SORCS2: variants seen among roughly 807,000 people sequenced by gnomAD.
SORCS2 encodes the protein sortilin related VPS10 domain containing receptor 2, also known as VPS10 domain-containing receptor SorCS2.
Under a neutral mutation model 141.6 loss-of-function variants are expected in SORCS2, and 100 were observed. The ratio of observed to expected loss-of-function variants is 0.71; its 90% CI spans 0.60 to 0.83. The LOEUF is 0.83. Among genes scored for constraint, SORCS2 ranks in the 40% least tolerant of loss-of-function variants. The pLI, the probability that SORCS2 is intolerant of heterozygous loss-of-function variation, is 0.00. For missense variants in SORCS2, 1,646 were observed against 1,560.2 expected, an observed-to-expected ratio of 1.05 and a Z score of -0.93; for synonymous variants, 789 against 676.9, an observed-to-expected ratio of 1.17 and a Z score of -2.57.
intron 1 of SORCS2, among the ~76,000 whole-genome samples, chr4:7,271,709 G>A (rs1421389399): frequency 6.6e-6 from 1 of 152,254 alleles, no homozygotes; most frequent in Non-Finnish European, 1.5e-5. Flanking sequence ...TCAGTGTGTG[G>A]CAGGAGCTAA....
chr4:7,509,857 G>A (rs891111256), intron 2 of SORCS2, among the ~76,000 whole-genome samples: 1 of 152,312 alleles, frequency 6.6e-6, no homozygotes, highest in African/African-American at 2.4e-5. Flanking sequence ...ATAGGGGGTT[G>A]GGGGTGGCCC....
intron 2 of SORCS2, chr4:7,434,630 C>G (rs1253011570): frequency 6.2e-7 from 1 of 1,613,362 alleles, no homozygotes; most frequent in Admixed American, 1.7e-5. Context: ...ATGTCAGACT[C>G]CGTGGCGTCA....
intron 1 of SORCS2, among the ~76,000 whole-genome samples, chr4:7,194,586 C>T (rs562914351): frequency 1.3e-5 from 2 of 152,202 alleles, no homozygotes; most frequent in South Asian, 2.1e-4. Flanking sequence ...AGAGCTGGCT[C>T]CCTGGGTGCA....
chr4:7,491,011 G>C (rs897703408), intron 2 of SORCS2, among the ~76,000 whole-genome samples: 16 of 152,092 alleles, frequency 1.1e-4, no homozygotes, highest in African/African-American at 3.9e-4. Flanking sequence ...CTCTGTCCCT[G>C]CCCTGCCGCC....
Position 7,233,513 on chromosome 4 carries a change from T to C in SORCS2, c.480+40387T>C, listed in dbSNP as rs1302148374. Among the ~76,000 whole-genome samples the C allele has an allele frequency of 6.6e-6, 1 of 152,000 alleles. No homozygotes were observed. The highest frequency in any genetic ancestry group is 2.4e-5 in the African/African-American group (1 of 41,356). Reference sequence around the variant, plus strand: ...GCTGGGCTCAGGGTGAGCAGACACTTGCTGGGTTCAGGGTGAGCAGACACT... The same window carrying C: ...GCTGGGCTCAGGGTGAGCAGACACTCGCTGGGTTCAGGGTGAGCAGACACT... On this transcript the variant is annotated intron_variant, in intron 1 of 26. Transcript: ENST00000507866. The surrounding 1 kb of genome is among the most constrained non-coding windows in gnomAD (Gnocchi z 4.5).
chr4:7,527,877 C>T (rs369900127), intron 2 of SORCS2, among the ~76,000 whole-genome samples: 5 of 152,248 alleles, frequency 3.3e-5, no homozygotes, highest in African/African-American at 1.2e-4. Flanking sequence ...CTGGATTAGA[C>T]CTGGCAGTGG....
Position 7,704,196 on chromosome 4 carries a change from C to G in SORCS2, c.1780C>G (p.Leu594Val), listed in dbSNP as rs199791875. 2.7e-4 allele frequency: 430 copies of G among 1,612,674 alleles called. No individual in the cohort carries two copies. The African/African-American group carries it at 5.1e-3, about 19-fold the overall frequency. The change falls in exon 14 of 27, where the codon CTC becomes GTC. Residue 594 changes from leucine to valine, a missense_variant. Physicochemically the swap from Leu to Val is conservative, Grantham distance 32 (BLOSUM62 1). Coordinates refer to ENST00000507866, the MANE Select transcript of SORCS2 (RefSeq NM_020777.3). Reference protein sequence around the residue: ...KILKFSVDEGLTWSTHNFTST... With the variant: ...KILKFSVDEGVTWSTHNFTST... ...TGGCAGGTTCAGTGTGGACGAGGGCCTCACCTGGAGCACGCACAACTTCAC... is the reference window on the plus strand; with the variant it reads ...TGGCAGGTTCAGTGTGGACGAGGGCGTCACCTGGAGCACGCACAACTTCAC...
At chr4:7,274,023 G>C (rs760753988) in intron 1 of SORCS2, among the ~76,000 whole-genome samples, 2 of 152,216 alleles carry the variant, frequency 1.3e-5, no homozygotes, top group Non-Finnish European at 2.9e-5. Context: ...TAACATCCCT[G>C]ACTCTAGGTT....
chr4:7,723,597 C>CAATGAATG, intron 18 of SORCS2, 100 bp from the exon 19 acceptor site: 1 of 1,329,802 alleles, frequency 7.5e-7, no homozygotes, highest in Non-Finnish European at 1.1e-6. Flanking sequence ...GGGAGGGCGG[C>CAATGAATG]AATGAATGAA....
chr4:7,204,280 G>T (rs1727621796), intron 1 of SORCS2, among the ~76,000 whole-genome samples: 1 of 151,970 alleles, frequency 6.6e-6, no homozygotes, highest in African/African-American at 2.4e-5. Context: ...CAGTGATGTG[G>T]TCACAGCTCA....
intron 2 of SORCS2, among the ~76,000 whole-genome samples, chr4:7,448,171 C>T (rs915714680): frequency 1.6e-4 from 24 of 152,176 alleles, no homozygotes; most frequent in African/African-American, 5.6e-4. Flanking sequence ...TCGTGCCCCC[C>T]ACTGTCCTGC....
At chr4:7,717,501 G>C (rs2109047292) in intron 17 of SORCS2, among the ~76,000 whole-genome samples, 1 of 152,314 alleles carries the variant, frequency 6.6e-6, no homozygotes, top group Non-Finnish European at 1.5e-5. Flanking sequence ...GCAGTGATTA[G>C]TCACGAATCG....
intron 2 of SORCS2, among the ~76,000 whole-genome samples, chr4:7,435,871 G>T (rs1398008550): frequency 2.6e-5 from 4 of 152,256 alleles, no homozygotes; most frequent in Non-Finnish European, 5.9e-5. Flanking sequence ...GAGTGGGCAG[G>T]CCAGAGGTTT....
At chr4:7,262,387 C>CATCCATCCATCCACCCACCTATCCATCT (rs1714413122) in intron 1 of SORCS2, among the ~76,000 whole-genome samples, 4 of 92,414 alleles carry the variant, frequency 4.3e-5, no homozygotes, top group African/African-American at 2.3e-4. Context: ...TCCATCCATC[C>CATCCATCCATCCACCCACCTATCCATCT]ATCCATCCAT....
chr4:7,726,535 C>T (rs984772664), intron 20 of SORCS2, among the ~76,000 whole-genome samples: 5 of 152,152 alleles, frequency 3.3e-5, no homozygotes, highest in Admixed American at 6.5e-5. Context: ...GATTGCGCCA[C>T]TGCACTCCAG....
intron 1 of SORCS2, among the ~76,000 whole-genome samples, chr4:7,242,200 GTCT>G (rs954197095): frequency 4.6e-5 from 7 of 152,200 alleles, no homozygotes; most frequent in African/African-American, 1.7e-4. Context: ...GAGCCCTGTT[GTCT>G]TCTTCTTTTT....
Position 7,567,360 on chromosome 4 carries a change from G to A in SORCS2, c.648+35731G>A, listed in dbSNP as rs80118884. The stretch of plus-strand genomic sequence containing the variant: ...TACATGTAGTCATTATGTCTGCTTC[G>A]GCTCCGCCTGGCTGTGACAGTTTCT... On this transcript the variant is annotated intron_variant, in intron 3 of 26. Transcript: ENST00000507866. Among the ~76,000 whole-genome samples the A allele has an allele frequency of 7.6e-3, 1,156 of 151,668 alleles. 17 individuals carry two copies. The highest frequency in any genetic ancestry group is 0.024 in the African/African-American group (1,000 of 41,118).
chr4:7,405,395 G>A (rs1486349279), intron 2 of SORCS2, among the ~76,000 whole-genome samples: 1 of 147,346 alleles, frequency 6.8e-6, no homozygotes, highest in Non-Finnish European at 1.5e-5. Context: ...TGAAAAATGA[G>A]TTGGTATTTT....
intron 3 of SORCS2, among the ~76,000 whole-genome samples, chr4:7,619,736 G>T (rs962118749): frequency 1.3e-5 from 2 of 152,166 alleles, no homozygotes; most frequent in African/African-American, 4.8e-5. Flanking sequence ...AGGCTCGGAG[G>T]CTCTGCAGTG....
Sources: allele counts gnomAD v4.1 joint callset (sites outside exome capture counted in the v4.1 genomes callset), GRCh38; gene constraint gnomAD v4.1.1; non-coding constraint Gnocchi (gnomAD v3.1); transcripts MANE v1.5; gene names NCBI Gene and HGNC (gene_info 2026-07-23, HGNC 2026-07-21).